FCHO2: variants seen among roughly 807,000 people sequenced by gnomAD.
FCHO2 encodes the protein FCH and mu domain containing endocytic adaptor 2, also known as F-BAR domain only protein 2.
Under a neutral mutation model 114.1 loss-of-function variants are expected in FCHO2, and 43 were observed. The observed-to-expected ratio is 0.38, with a 90% CI of 0.30 to 0.49. FCHO2 has a LOEUF of 0.49. Ranked by LOEUF, FCHO2 falls within the 20% of genes least tolerant of loss-of-function variation. FCHO2 has a pLI of 0.97. For missense variants in FCHO2, 807 were observed against 950.4 expected, an observed-to-expected ratio of 0.85 and a Z score of 1.98; for synonymous variants, 293 against 315.2, an observed-to-expected ratio of 0.93 and a Z score of 0.75.
chr5:73,014,799 G>A (rs1241916312), intron 6 of FCHO2, among the ~76,000 whole-genome samples: 1 of 151,932 alleles, frequency 6.6e-6, no homozygotes, highest in Admixed American at 6.6e-5. Flanking sequence ...TCCAAATTCG[G>A]CTGGGTGCGG....
At chr5:72,991,642 T>C (rs536568748) in intron 5 of FCHO2, among the ~76,000 whole-genome samples, 24 of 152,352 alleles carry the variant, frequency 1.6e-4, no homozygotes, top group South Asian at 8.3e-4. Context: ...GCTTTTTTTT[T>C]CTCCTTTCAA....
intron 24 of FCHO2, among the ~76,000 whole-genome samples, chr5:73,086,384 A>T (rs1212914343): frequency 1.3e-5 from 2 of 152,182 alleles, no homozygotes; most frequent in Admixed American, 1.3e-4. Context: ...AGTTGGATCA[A>T]TGTTGTGACA....
intron 5 of FCHO2, among the ~76,000 whole-genome samples, chr5:72,995,791 C>T (rs1754060312): frequency 1.3e-5 from 2 of 152,076 alleles, no homozygotes; most frequent in Non-Finnish European, 2.9e-5. Context: ...CCGATTAATA[C>T]ATTAATAGAT....
chr5:73,069,549 G>C (rs950756140), intron 19 of FCHO2, among the ~76,000 whole-genome samples: 1 of 151,932 alleles, frequency 6.6e-6, no homozygotes, highest in Non-Finnish European at 1.5e-5. Flanking sequence ...TAGGGTTCTC[G>C]CTCCTATGAG....
At chr5:72,989,988 G>C (rs766727565) in intron 3 of FCHO2, among the ~76,000 whole-genome samples, 2 of 151,766 alleles carry the variant, frequency 1.3e-5, no homozygotes, top group Non-Finnish European at 2.9e-5. Context: ...ATAATGAAAA[G>C]AATACATTTA....
chr5:73,041,199 G>A (rs2112809493), intron 10 of FCHO2, 92 bp from the exon 11 acceptor site: 3 of 746,878 alleles, frequency 4.0e-6, no homozygotes, highest in East Asian at 5.6e-5. Flanking sequence ...TTAAATAAAA[G>A]CTATATTTAA....
chr5:72,975,471 C>T (rs1007170881), intron 2 of FCHO2, among the ~76,000 whole-genome samples: 1 of 152,004 alleles, frequency 6.6e-6, no homozygotes, highest in African/African-American at 2.4e-5. Flanking sequence ...GGATTATAGC[C>T]CTGCGCCATC....
intron 1 of FCHO2, among the ~76,000 whole-genome samples, chr5:72,967,074 C>G (rs1580004488): frequency 6.6e-6 from 1 of 152,132 alleles, no homozygotes; most frequent in Non-Finnish European, 1.5e-5. Flanking sequence ...TCGTTTGAGG[C>G]CAGGAGTTCG....
At chr5:72,983,280 A>C (rs112128665) in intron 2 of FCHO2, among the ~76,000 whole-genome samples, 2 of 152,186 alleles carry the variant, frequency 1.3e-5, no homozygotes, top group East Asian at 3.9e-4. Context: ...ATAGGTATAC[A>C]TGTGCCGTGG....
intron 1 of FCHO2, among the ~76,000 whole-genome samples, chr5:72,963,902 GTTTTTTTTTTTTTT>G (rs70973214): frequency 5.3e-4 from 51 of 95,722 alleles, no homozygotes; most frequent in Middle Eastern, 9.3e-3. Context: ...GGAACTTTCA[GTTTTTTTTTTTTTT>G]TTTTTTTTTT....
chr5:73,013,375 ATTTCAT>A (rs1755123394), intron 6 of FCHO2, among the ~76,000 whole-genome samples: 1 of 152,204 alleles, frequency 6.6e-6, no homozygotes, highest in Admixed American at 6.5e-5. Context: ...AGGGAATTAA[ATTTCAT>A]AAACTAACAA....
chr5:73,054,169 C>T lies in FCHO2; in HGVS notation c.1183C>T (p.Pro395Ser). ...TLSPAISRHS[P>S]VQMNRNLSNE... is the part of the protein sequence containing the mutation. ...TTCCATGTACTACTAGAGACACAGT[C>T]CAGTAAGTACAAGATTTTATATTTT... Residue 395 changes from proline (P) to serine (S), a missense_variant and splice_region_variant, in exon 14 of 26, where the codon CCA becomes TCA. By Grantham distance (74) the Pro-to-Ser change is moderately conservative (BLOSUM62 -1). Coordinates refer to ENST00000430046, the MANE Select transcript of FCHO2 (RefSeq NM_138782.3). The T allele has an allele frequency of 2.6e-6, 4 of 1,522,188 alleles. No homozygotes were observed. Among genetic ancestry groups the T allele is most frequent in the Non-Finnish European group, 3.5e-6 (4 of 1,130,592 alleles). The allele number at this position is 1,522,188 out of a possible 1,614,324, so 94.3% of individuals were successfully genotyped here. A position where few individuals can be genotyped will look rare whatever the true frequency, so the allele number is the denominator to read the frequency against.
intron 11 of FCHO2, among the ~76,000 whole-genome samples, chr5:73,047,854 C>T (rs1006250527): frequency 1.3e-4 from 20 of 151,696 alleles, no homozygotes; most frequent in Admixed American, 1.3e-4. Context: ...TTATTTATTT[C>T]GAGACAGAGT....
At chr5:73,057,102 A>ATT (rs5868655) in intron 16 of FCHO2, among the ~76,000 whole-genome samples, 62 of 147,968 alleles carry the variant, frequency 4.2e-4, no homozygotes, top group African/African-American at 6.7e-4. Context: ...TTTTTTCAAA[A>ATT]TTTTTTTTTT....
intron 24 of FCHO2, 104 bp downstream of exon 24, chr5:73,082,929 A>G (rs1221665563): frequency 3.1e-6 from 3 of 952,388 alleles, no homozygotes; most frequent in Non-Finnish European, 4.6e-6. Flanking sequence ...GCTGGAGTGC[A>G]GTAACACAAT....
In FCHO2 at chr5:73,063,860, T is replaced by C. The variant is rs1194971943; in HGVS notation, c.1365T>C (p.Leu455=). The change falls in exon 18 of 26, where the codon CTT becomes CTC. Residue 455 remains leucine (L), a synonymous_variant. Transcript: ENST00000430046. ...AACCAGCCAGGCCCACAACTCCTCT[T>C]TCTGTAGGCACCATTGTCCCACCTC... The part of the protein sequence containing the change: ...SSSSARPTTP[L]SVGTIVPPPR... The C allele has an allele frequency of 6.2e-7, 1 of 1,611,828 alleles. No individual in the cohort carries two copies. The highest frequency in any genetic ancestry group is 8.5e-7 in the Non-Finnish European group (1 of 1,178,794).
intron 15 of FCHO2, 81 bp downstream of exon 15, chr5:73,054,630 A>G: frequency 1.9e-6 from 2 of 1,045,904 alleles, no homozygotes; most frequent in South Asian, 1.5e-5. Flanking sequence ...CTTTAGCTGT[A>G]GAAATAAATG....
intron 1 of FCHO2, among the ~76,000 whole-genome samples, chr5:72,966,354 T>C (rs923010906): frequency 6.6e-6 from 1 of 152,250 alleles, no homozygotes; most frequent in Non-Finnish European, 1.5e-5. Flanking sequence ...GTTCTCACTT[T>C]GGCCAGGCTG....
At chr5:73,000,340 G>A (rs1754366858) in intron 5 of FCHO2, among the ~76,000 whole-genome samples, 1 of 151,938 alleles carries the variant, frequency 6.6e-6, no homozygotes, top group African/African-American at 2.4e-5. Flanking sequence ...GTATGGTGGT[G>A]TGTGCCTATA....
Sources: gnomAD v4.1 joint callset for allele counts (sites outside exome capture counted in the v4.1 genomes callset) on GRCh38, gnomAD v4.1.1 for gene constraint, MANE v1.5 for transcripts, NCBI Gene and HGNC (gene_info 2026-07-23, HGNC 2026-07-21) for gene names.